Variants in KCNN2 observed in about 807,000 individuals in gnomAD.
KCNN2 encodes small conductance calcium-activated potassium channel protein 2.
In KCNN2, 24 loss-of-function variants were observed where a neutral mutation model predicts 55.5. That is an observed-to-expected ratio of 0.43 (90% CI 0.31 to 0.61). KCNN2 has a LOEUF of 0.61. Ranked by LOEUF, KCNN2 falls within the 20% of genes least tolerant of loss-of-function variation. The pLI, the probability that KCNN2 is intolerant of heterozygous loss-of-function variation, is 0.08. For missense variants in KCNN2, 754 were observed against 853.6 expected (o/e 0.88, Z 1.45); for synonymous variants, 431 against 336.1 (o/e 1.28, Z -3.09).
chr5:114,443,765 T>A (rs1760301628), intron 3 of KCNN2, among the ~76,000 whole-genome samples: 1 of 152,156 alleles, frequency 6.6e-6, no homozygotes, highest in Non-Finnish European at 1.5e-5. Flanking sequence ...TTGAAATCTA[T>A]ATTGTAGTGG....
intron 1 of KCNN2, among the ~76,000 whole-genome samples, chr5:114,070,174 C>T (rs1004875584): frequency 5.3e-5 from 8 of 152,084 alleles, no homozygotes; most frequent in African/African-American, 1.7e-4. Context: ...GCAACTGTCT[C>T]GACTGTCTCA....
chr5:114,238,432 C>T (rs1754551659), intron 2 of KCNN2, among the ~76,000 whole-genome samples: 2 of 151,972 alleles, frequency 1.3e-5, no homozygotes. Context: ...TCAAGACCAG[C>T]CTGGCCAACA....
chr5:114,196,552 T>C (rs985931412), intron 1 of KCNN2, among the ~76,000 whole-genome samples: 1 of 152,026 alleles, frequency 6.6e-6, no homozygotes, highest in African/African-American at 2.4e-5. Flanking sequence ...CTTGTTGAGA[T>C]TTTCTCTTTT....
chr5:114,240,215 T>G (rs1754589733), intron 2 of KCNN2, among the ~76,000 whole-genome samples: 1 of 151,988 alleles, frequency 6.6e-6, no homozygotes, highest in South Asian at 2.1e-4. Flanking sequence ...GTAAATCACA[T>G]ATAAAATGTA....
chr5:114,063,350 AAT>A (rs1298815518), intron 1 of KCNN2, among the ~76,000 whole-genome samples: 1 of 152,244 alleles, frequency 6.6e-6, no homozygotes. Context: ...GCAATACAGA[AAT>A]ATGATTTTGC....
At chr5:114,257,512 T>A (rs1463999646) in intron 2 of KCNN2, among the ~76,000 whole-genome samples, 1 of 152,140 alleles carries the variant, frequency 6.6e-6, no homozygotes, top group African/African-American at 2.4e-5. Flanking sequence ...CATTTGTTTG[T>A]ATTATCTATA....
intron 2 of KCNN2, among the ~76,000 whole-genome samples, chr5:114,354,086 G>C (rs1459220531): frequency 6.6e-6 from 1 of 151,532 alleles, no homozygotes; most frequent in Non-Finnish European, 1.5e-5. Context: ...ATTTCTCTGA[G>C]GTGCTGGGGG....
At position 114,441,082 on chromosome 5, in the gene KCNN2, A is replaced by T. The variant is rs566695498; in HGVS notation, c.1638-21967A>T. On this transcript the variant is annotated intron_variant, in intron 3 of 7. Coordinates refer to ENST00000673685, the MANE Select transcript of KCNN2 (RefSeq NM_021614.4). ...AAAGATAGTGTTAAAAGCAAAAACT[A>T]GTAGGAATAAAAAAAGATCACTACA... 3.9e-5 allele frequency among the ~76,000 whole-genome samples: 6 copies of T among 152,300 alleles called. No individual in the cohort carries two copies. The South Asian group carries it at 1.2e-3, about 32-fold the overall frequency.
intron 3 of KCNN2, among the ~76,000 whole-genome samples, chr5:114,415,609 T>C (rs1429293030): frequency 6.6e-6 from 1 of 152,184 alleles, no homozygotes; most frequent in African/African-American, 2.4e-5. Flanking sequence ...TGGTATCTTA[T>C]TGTGGTTGTA....
chr5:114,107,945 G>A (rs940115555), intron 1 of KCNN2, among the ~76,000 whole-genome samples: 3 of 152,002 alleles, frequency 2.0e-5, no homozygotes, highest in Admixed American at 6.6e-5. Context: ...CTACTATAAG[G>A]TGTTTGATCA....
intron 2 of KCNN2, among the ~76,000 whole-genome samples, chr5:114,275,079 C>G (rs1464166629): frequency 6.6e-6 from 1 of 152,140 alleles, no homozygotes. Context: ...TTATCTCCAT[C>G]TATTGAGATA....
chr5:114,248,132 G>T lies in KCNN2; in HGVS notation c.-185+26567G>T, dbSNP rs550203358. Among the ~76,000 whole-genome samples the T allele has an allele frequency of 2.0e-5, 3 of 152,162 alleles. No homozygotes were observed. In the South Asian group the frequency reaches 6.2e-4, roughly 31 times the overall value. On this transcript the variant is annotated intron_variant, in intron 2 of 10. Coordinates refer to the KCNN2 transcript ENST00000512097. ...TGAAGTCTCAGTCCAATGCCTTCTT[G>T]TATAGTAATGCTCCTTGTTTCCCCC...
At chr5:114,103,195 A>G (rs1247074257) in intron 1 of KCNN2, among the ~76,000 whole-genome samples, 1 of 152,078 alleles carries the variant, frequency 6.6e-6, no homozygotes, top group Non-Finnish European at 1.5e-5. Flanking sequence ...CTTTCTTTGT[A>G]GCAATTGTGA....
At chr5:114,477,050 A>C (rs1048323399) in intron 5 of KCNN2, among the ~76,000 whole-genome samples, 1 of 65,184 alleles carries the variant, frequency 1.5e-5, no homozygotes, top group African/African-American at 3.4e-5. Context: ...GTAAATAGAG[A>C]TCTAAAAACC....
chr5:114,483,638 C>G (rs1170700350), intron 5 of KCNN2, among the ~76,000 whole-genome samples: 1 of 151,796 alleles, frequency 6.6e-6, no homozygotes, highest in Non-Finnish European at 1.5e-5. Context: ...ATTGATATGT[C>G]TTCTAACATT....
intron 2 of KCNN2, among the ~76,000 whole-genome samples, chr5:114,403,542 C>A (rs1758846967): frequency 6.6e-6 from 1 of 152,164 alleles, no homozygotes; most frequent in Non-Finnish European, 1.5e-5. Context: ...GTATCCCTTG[C>A]AAGTCCTTGT....
chr5:114,416,762 AGATTTTACGGACT>A (rs1297449235), intron 3 of KCNN2, among the ~76,000 whole-genome samples: 1 of 152,212 alleles, frequency 6.6e-6, no homozygotes, highest in Non-Finnish European at 1.5e-5. Context: ...TTTAAAAATA[AGATTTTACGGACT>A]TTTGTATTTA....
intron 3 of KCNN2, among the ~76,000 whole-genome samples, chr5:114,405,556 A>G (rs1423123435): frequency 6.6e-6 from 1 of 152,226 alleles, no homozygotes; most frequent in Non-Finnish European, 1.5e-5. Flanking sequence ...AAGCAGGAAT[A>G]GTTGTCTCAT....
At chr5:114,327,891 A>G (rs571451112) in intron 2 of KCNN2, among the ~76,000 whole-genome samples, 2 of 152,366 alleles carry the variant, frequency 1.3e-5, no homozygotes, top group African/African-American at 4.8e-5. Context: ...TCTTCTAGAA[A>G]TACTGCTATC....
Sources: gnomAD v4.1 joint callset for allele counts (sites outside exome capture counted in the v4.1 genomes callset) on GRCh38, gnomAD v4.1.1 for gene constraint, MANE v1.5 for transcripts, NCBI Gene and HGNC (gene_info 2026-07-23, HGNC 2026-07-21) for gene names.